Variants in MAN2B2 observed in about 807,000 individuals in gnomAD.
The protein encoded by MAN2B2 is epididymis-specific alpha-mannosidase.
In MAN2B2, 106 loss-of-function variants were observed where a neutral mutation model predicts 117.1. The observed-to-expected ratio is 0.90, with a 90% CI of 0.77 to 1.06. MAN2B2 has a LOEUF of 1.06. MAN2B2 is among the 50% of genes least tolerant of loss of function. MAN2B2 has a pLI of 0.00. For missense variants in MAN2B2, 1,326 were observed against 1,381.4 expected, an observed-to-expected ratio of 0.96 and a Z score of 0.64; for synonymous variants, 544 against 595.1, an observed-to-expected ratio of 0.91 and a Z score of 1.25.
chr4:6,606,751 G>C (rs1353377130), intron 11 of MAN2B2, among the ~76,000 whole-genome samples: 1 of 152,206 alleles, frequency 6.6e-6, no homozygotes, highest in African/African-American at 2.4e-5. Context: ...TTCAGAGTAG[G>C]GGCCATCGGG....
intron 7 of MAN2B2, among the ~76,000 whole-genome samples, chr4:6,596,500 G>A (rs544692160): frequency 2.0e-5 from 3 of 152,276 alleles, no homozygotes; most frequent in Non-Finnish European, 4.4e-5. Flanking sequence ...GCCACTCCCT[G>A]GGAGGGTTCA....
At chr4:6,620,432 T>C in intron 18 of MAN2B2, 1 of 210,624 alleles carries the variant, frequency 4.7e-6, no homozygotes, top group South Asian at 7.2e-5. Context: ...TACAGGCAGC[T>C]TCCAGGCTCC....
At chr4:6,586,518 A>C (rs1237320690) in intron 3 of MAN2B2, among the ~76,000 whole-genome samples, 3 of 152,190 alleles carry the variant, frequency 2.0e-5, no homozygotes, top group Admixed American at 6.5e-5. Context: ...ACATGCAGGA[A>C]CCTTAAGGAC....
intron 4 of MAN2B2, 124 bp downstream of exon 4, chr4:6,587,292 G>C (rs956025604): frequency 9.9e-6 from 12 of 1,215,786 alleles, no homozygotes; most frequent in Non-Finnish European, 1.2e-5. Context: ...CAGCTGCATA[G>C]ACCGCGGGGC....
At chr4:6,610,315 C>T (rs1193016816) in intron 13 of MAN2B2, among the ~76,000 whole-genome samples, 2 of 152,170 alleles carry the variant, frequency 1.3e-5, no homozygotes, top group Admixed American at 6.5e-5. Context: ...TGCCACCATG[C>T]CCAGCTAATT....
chr4:6,588,906 G>T, intron 4 of MAN2B2, 139 bp from the exon 5 acceptor site: 1 of 639,090 alleles, frequency 1.6e-6, no homozygotes, highest in Non-Finnish European at 2.9e-6. Context: ...GACGGAAACG[G>T]CAGGGGAGAG....
intron 11 of MAN2B2, among the ~76,000 whole-genome samples, 166 bp from the exon 12 acceptor site, chr4:6,608,941 C>T (rs11721430): frequency 0.089 from 13,574 of 152,188 alleles, 703 homozygotes; most frequent in East Asian, 0.14. Flanking sequence ...TAAGGCCACA[C>T]TGGCTGTGGG....
rs1214045287 is a variant in MAN2B2, at chr4:6,622,430, AT to A, written c.*1149del. 7.2e-6 allele frequency: 1 copy of A among 138,364 alleles called. No homozygotes were observed. The highest frequency in any genetic ancestry group is 2.5e-5 in the African/African-American group (1 of 40,114). 8.6% of individuals were successfully genotyped at this position (138,364 alleles called of 1,614,324 possible). The stretch of plus-strand genomic sequence containing the variant: ...TTTATGGTCTGTGAATTATATCTCA[AT>A]TTTAAAACTTTTTTTTTTTTTTCCC... On this transcript the variant is annotated 3_prime_UTR_variant, in exon 19 of 19. Transcript: ENST00000285599.
rs1712083098 is a variant in MAN2B2 at position 6,619,958 on chromosome 4, C to G, written c.2846C>G (p.Ala949Gly). ...CTGCAGGCGCTGGGGTCCGTGGTGG[C>G]AGTGGAGGAGCGCTCGCTCACAGGG... ...AVLQALGSVV[A>G]VEERSLTGTW... Residue 949 changes from alanine to glycine, a missense_variant, in exon 18 of 19, where the codon GCA becomes GGA. By Grantham distance (60) the Ala-to-Gly change is moderately conservative. Coordinates refer to ENST00000285599, the MANE Select transcript of MAN2B2 (RefSeq NM_015274.3). 1.2e-6 allele frequency: 2 copies of G among 1,613,776 alleles called. No homozygotes were observed. The highest frequency in any genetic ancestry group is 2.7e-5 in the African/African-American group (2 of 74,918).
At chr4:6,594,423 G>T in intron 6 of MAN2B2, 111 bp from the exon 7 acceptor site, 3 of 1,095,398 alleles carry the variant, frequency 2.7e-6, no homozygotes, top group Non-Finnish European at 4.0e-6. Flanking sequence ...GGCCCCTGTT[G>T]GCCGCCTTGG....
At chr4:6,615,884 A>G (rs1398585985) in intron 16 of MAN2B2, among the ~76,000 whole-genome samples, 1 of 151,886 alleles carries the variant, frequency 6.6e-6, no homozygotes, top group Non-Finnish European at 1.5e-5. Flanking sequence ...GCTCACTGCA[A>G]CCTCCACCAC....
Position 6,587,030 on chromosome 4 carries a change from C to A in MAN2B2, c.426C>A (p.Ile142=). The change falls in exon 4 of 19, where the codon ATC becomes ATA. Residue 142 remains isoleucine (I), a synonymous_variant. Transcript: ENST00000285599. ...GHGFLYETFG[I]RPQFSWHVDP... is the part of the protein sequence containing the mutation. ...GGTTTCTCTATGAAACATTTGGGAT[C>A]CGGCCACAGTTCTCCTGGCACGTTG... The A allele has an allele frequency of 6.2e-7, 1 of 1,614,010 alleles. No homozygotes were observed. The highest frequency in any genetic ancestry group is 8.5e-7 in the Non-Finnish European group (1 of 1,179,988).
intron 2 of MAN2B2, 69 bp from the exon 3 acceptor site, chr4:6,578,324 G>A (rs1726148590): frequency 1.7e-6 from 2 of 1,195,654 alleles, no homozygotes; most frequent in Non-Finnish European, 2.4e-6. Flanking sequence ...CTGTAGGTGT[G>A]TTCCCCACAG....
chr4:6,610,212 A>G (rs1727716515), intron 13 of MAN2B2, among the ~76,000 whole-genome samples, 162 bp downstream of exon 13: 1 of 152,118 alleles, frequency 6.6e-6, no homozygotes, highest in South Asian at 2.1e-4. Context: ...GCTGGGGCGC[A>G]ATGGAGCGAT....
intron 15 of MAN2B2, among the ~76,000 whole-genome samples, chr4:6,612,440 C>G (rs879092884): frequency 1.3e-5 from 2 of 152,326 alleles, no homozygotes; most frequent in South Asian, 2.1e-4. Context: ...TTGGAAGTAA[C>G]AGAGCCTGAA....
intron 4 of MAN2B2, among the ~76,000 whole-genome samples, chr4:6,587,981 A>T (rs187697196): frequency 1.0e-4 from 15 of 150,098 alleles, no homozygotes; most frequent in Admixed American, 2.6e-4. Flanking sequence ...CTGGTCTCGA[A>T]CTCCTGTCCT....
At chr4:6,607,988 G>A (rs1233448596) in intron 11 of MAN2B2, among the ~76,000 whole-genome samples, 1 of 152,216 alleles carries the variant, frequency 6.6e-6, no homozygotes, top group Non-Finnish European at 1.5e-5. Context: ...AACTAATGGT[G>A]TTGAGCATCT....
At chr4:6,585,992 C>G (rs1305487874) in intron 3 of MAN2B2, among the ~76,000 whole-genome samples, 2 of 152,118 alleles carry the variant, frequency 1.3e-5, no homozygotes, top group African/African-American at 4.8e-5. Context: ...TGGCCACCCT[C>G]TAGGCCCTAA....
rs769412622 is a variant in MAN2B2 at position 6,593,362 on chromosome 4, TC to T, written c.858+15del. On this transcript the variant is annotated intron_variant, in intron 6 of 18. Coordinates refer to ENST00000285599, the MANE Select transcript of MAN2B2 (RefSeq NM_015274.3). ...TCCTCTGGCCCTGGGTAAGGCAGAG[TC>T]CCAGGTGCTGTGCCCTCAACACAGC... 67 of 1,606,280 alleles carry T rather than the reference TC, an allele frequency of 4.2e-5. No homozygotes were observed. In the African/African-American group the frequency reaches 8.7e-4, roughly 21 times the overall value.
Sources: allele counts gnomAD v4.1 joint callset (sites outside exome capture counted in the v4.1 genomes callset), GRCh38; gene constraint gnomAD v4.1.1; transcripts MANE v1.5; gene names NCBI Gene and HGNC (gene_info 2026-07-23, HGNC 2026-07-21).